The following MYH15 variants were observed in gnomAD, a reference collection of about 807,000 sequenced individuals.
The protein encoded by MYH15 is myosin-15.
MYH15 carries 227 observed loss-of-function variants against 240.5 expected under a neutral mutation model. The observed-to-expected ratio is 0.94, with a 90% CI of 0.85 to 1.05. The LOEUF is 1.05. MYH15 is among the 50% of genes least tolerant of loss of function. MYH15 has a pLI of 0.00. For missense variants in MYH15, 2,217 were observed against 2,247.5 expected (o/e 0.99, Z 0.27); for synonymous variants, 785 against 796.7 (o/e 0.99, Z 0.25).
At chr3:108,526,859 G>A (rs2083676459) in intron 1 of MYH15, among the ~76,000 whole-genome samples, 1 of 152,048 alleles carries the variant, frequency 6.6e-6, no homozygotes, top group Non-Finnish European at 1.5e-5. Flanking sequence ...TGTTTTGGTT[G>A]ACTTATTTCC....
intron 21 of MYH15, among the ~76,000 whole-genome samples, chr3:108,453,531 C>T (rs188384481): frequency 3.3e-5 from 5 of 152,246 alleles, no homozygotes; most frequent in Admixed American, 6.5e-5. Flanking sequence ...TGATAAATGT[C>T]CCTAGTGAAC....
intron 33 of MYH15, among the ~76,000 whole-genome samples, chr3:108,402,286 A>G (rs2082511452): frequency 6.6e-6 from 1 of 152,226 alleles, no homozygotes; most frequent in Admixed American, 6.5e-5. Context: ...TCACTCAGAC[A>G]ATAAAAGAAA....
In MYH15 at chr3:108,500,198, G is replaced by A; in HGVS notation, c.416C>T (p.Ala139Val). The A allele has an allele frequency of 1.2e-6, 2 of 1,614,074 alleles. No homozygotes were observed. Among genetic ancestry groups the A allele is most frequent in the Admixed American group, 1.7e-5 (1 of 60,016 alleles). Reference protein sequence around the residue: ...LPVYQKEVMAAYKGKRRSEAP... With the variant: ...LPVYQKEVMAVYKGKRRSEAP... Reference sequence around the variant, plus strand: ...CTCTGATCGCCTCTTCCCTTTGTAGGCGGCCATGACTTCTTTCTGATACAC... The same window carrying A: ...CTCTGATCGCCTCTTCCCTTTGTAGACGGCCATGACTTCTTTCTGATACAC... Residue 139 changes from alanine to valine, a missense_variant, in exon 4 of 41, where the codon GCC becomes GTC. By Grantham distance (64) the Ala-to-Val change is moderately conservative. Transcript: ENST00000693548.
intron 30 of MYH15, among the ~76,000 whole-genome samples, chr3:108,411,134 TGGG>T (rs967284301): frequency 2.0e-5 from 3 of 152,214 alleles, no homozygotes; most frequent in Non-Finnish European, 2.9e-5. Flanking sequence ...CCTGTGTGCA[TGGG>T]GTCTTTATTT....
At chr3:108,483,426 A>C (rs2083282289) in intron 11 of MYH15, among the ~76,000 whole-genome samples, 1 of 152,014 alleles carries the variant, frequency 6.6e-6, no homozygotes, top group Admixed American at 6.6e-5. Context: ...TAAAAAAAAA[A>C]AACCAAAAAA....
intron 14 of MYH15, among the ~76,000 whole-genome samples, chr3:108,466,217 T>A (rs1213436865): frequency 6.6e-6 from 1 of 152,220 alleles, no homozygotes; most frequent in Non-Finnish European, 1.5e-5. Flanking sequence ...TCATTAAAAA[T>A]AAGATATGCG....
intron 1 of MYH15, among the ~76,000 whole-genome samples, chr3:108,516,040 G>A (rs763498563): frequency 1.3e-5 from 2 of 152,094 alleles, no homozygotes; most frequent in African/African-American, 2.4e-5. Context: ...TGGGGATGAG[G>A]GGGTGCAGAA....
intron 35 of MYH15, among the ~76,000 whole-genome samples, chr3:108,395,218 G>A (rs1320756906): frequency 9.2e-5 from 14 of 152,188 alleles, no homozygotes; most frequent in Admixed American, 6.5e-4. Flanking sequence ...GCAGTGAACC[G>A]AGATTGCACC....
rs527280615 is a variant in MYH15 at position 108,390,963 on chromosome 3, T to A, written c.5430+797A>T. 1.8e-4 allele frequency among the ~76,000 whole-genome samples: 28 copies of A among 152,238 alleles called. 1 individual carries two copies. The South Asian group carries it at 1.9e-3, about 10-fold the overall frequency. On this transcript the variant is annotated intron_variant, in intron 37 of 40. Transcript: ENST00000693548. ...CTGTTACCATTTCATTTTGAAAATATAAGCAAATGTGTACACCTTCATATT... is the reference window on the plus strand; with the variant it reads ...CTGTTACCATTTCATTTTGAAAATAAAAGCAAATGTGTACACCTTCATATT...
intron 33 of MYH15, among the ~76,000 whole-genome samples, chr3:108,401,445 G>A (rs1182838419): frequency 2.6e-5 from 4 of 152,132 alleles, no homozygotes; most frequent in African/African-American, 7.2e-5. Flanking sequence ...TGAAGCTTTA[G>A]TCTCCAGAGC....
chr3:108,460,830 T>C (rs1248248615), intron 16 of MYH15, among the ~76,000 whole-genome samples: 1 of 152,136 alleles, frequency 6.6e-6, no homozygotes, highest in Non-Finnish European at 1.5e-5. Flanking sequence ...ACATGTTTTT[T>C]TAAGTGCAGC....
intron 27 of MYH15, among the ~76,000 whole-genome samples, chr3:108,427,851 G>A (rs2082738552): frequency 6.6e-6 from 1 of 152,204 alleles, no homozygotes; most frequent in Non-Finnish European, 1.5e-5. Context: ...AAGGAGAGAA[G>A]GTTGCAGCAA....
intron 1 of MYH15, among the ~76,000 whole-genome samples, chr3:108,519,923 A>T (rs570082797): frequency 1.1e-4 from 17 of 152,328 alleles, no homozygotes; most frequent in South Asian, 2.1e-4. Context: ...GATAATTATG[A>T]GTTTTAACTA....
At chr3:108,471,639 TA>T (rs2083178408) in intron 12 of MYH15, among the ~76,000 whole-genome samples, 3 of 152,116 alleles carry the variant, frequency 2.0e-5, no homozygotes, top group African/African-American at 7.2e-5. Flanking sequence ...AAAATCCTCC[TA>T]CCCCCTGTTA....
At chr3:108,527,111 T>A (rs1215915835) in intron 1 of MYH15, among the ~76,000 whole-genome samples, 1 of 152,146 alleles carries the variant, frequency 6.6e-6, no homozygotes, top group Admixed American at 6.6e-5. Context: ...AGTTTCTGAT[T>A]CAGTAGATCT....
At chr3:108,528,976 CT>C (rs2083693818) in intron 1 of MYH15, among the ~76,000 whole-genome samples, 1 of 152,090 alleles carries the variant, frequency 6.6e-6, no homozygotes, top group African/African-American at 2.4e-5. Context: ...CCCTTGGTGT[CT>C]GAGAAAAGGG....
At chr3:108,487,245 T>A (rs1237835150) in intron 9 of MYH15, among the ~76,000 whole-genome samples, 1 of 152,222 alleles carries the variant, frequency 6.6e-6, no homozygotes, top group East Asian at 1.9e-4. Context: ...GTGAAGTTTT[T>A]TTGAGCTGAT....
chr3:108,469,519 C>A (rs2083152720), intron 14 of MYH15, among the ~76,000 whole-genome samples: 1 of 152,168 alleles, frequency 6.6e-6, no homozygotes, highest in Non-Finnish European at 1.5e-5. Flanking sequence ...TACTAATAAG[C>A]CATGAAGTAT....
intron 1 of MYH15, among the ~76,000 whole-genome samples, chr3:108,520,286 T>C (rs142392436): frequency 5.4e-4 from 82 of 152,340 alleles, no homozygotes; most frequent in African/African-American, 1.8e-3. Context: ...CTTAAAATAT[T>C]TTGTTTCGTA....
Sources: allele counts gnomAD v4.1 joint callset (sites outside exome capture counted in the v4.1 genomes callset), GRCh38; gene constraint gnomAD v4.1.1; transcripts MANE v1.5; gene names NCBI Gene and HGNC (gene_info 2026-07-23, HGNC 2026-07-21).